The following RBIS variants were observed in gnomAD, a reference collection of about 807,000 sequenced individuals.
The protein encoded by RBIS is ribosome biogenesis factor identified in screen.
Under a neutral mutation model 9.8 loss-of-function variants are expected in RBIS, and 9 were observed. The observed-to-expected ratio is 0.92, with a 90% confidence interval of 0.56 to 1.61. The LOEUF is 1.61. Ranked by LOEUF, RBIS falls within the 40% of genes most tolerant of loss-of-function variation. The pLI, the probability that RBIS is intolerant of heterozygous loss-of-function variation, is 0.00. For missense variants in RBIS, 103 were observed against 116.0 expected (o/e 0.89, Z 0.51); for synonymous variants, 35 against 37.9 (o/e 0.92, Z 0.28).
In RBIS at chr8:85,215,023, A is replaced by C; in HGVS notation, c.129T>G (p.Asn43Lys). ...TATTTACTCTGTTAACTTTTTCCTC[A>C]TTCATAATGTTTATCTTTTAAAAAG... ...TTNLKKINIM[N>K]EEKVNRVNKA... The change falls in exon 3 of 4, where the codon AAT becomes AAG. Residue 43 changes from asparagine to lysine, a missense_variant. Transcript: ENST00000619594. The C allele has an allele frequency of 7.1e-7, 1 of 1,413,380 alleles. No individual in the cohort carries two copies. The highest frequency in any genetic ancestry group is 9.8e-7 in the Non-Finnish European group (1 of 1,019,852). 87.6% of individuals were successfully genotyped at this position (1,413,380 alleles called of 1,614,324 possible).
chr8:85,214,667 C>G (rs1197496213), intron 3 of RBIS, 36 bp from the exon 4 acceptor site: 1 of 1,261,046 alleles, frequency 7.9e-7, no homozygotes, highest in Non-Finnish European at 1.2e-6. Context: ...AAAACACAGA[C>G]AACAATAGCA....
chr8:85,217,623 G>C (rs1228810741), intron 1 of RBIS, 121 bp from the exon 2 acceptor site: 6 of 661,486 alleles, frequency 9.1e-6, no homozygotes, highest in African/African-American at 1.8e-5. Context: ...TATTTTTAAA[G>C]TTGGTGCATA....
In RBIS at chr8:85,215,245, C is replaced by T; in HGVS notation, c.115-208G>A. 3 of 306,838 alleles carry T rather than the reference C, an allele frequency of 9.8e-6. No homozygotes were observed. The South Asian group carries it at 1.8e-4, about 19-fold the overall frequency. 19.0% of individuals were successfully genotyped at this position (306,838 alleles called of 1,614,324 possible). On this transcript the variant is annotated intron_variant, in intron 2 of 3. Transcript: ENST00000619594. ...ATGGGATTTATGTGGCTATGCCTCA[C>T]ACTTATGGTTCAGAAGGCTAAAATA...
intron 3 of RBIS, 142 bp from the exon 4 acceptor site, chr8:85,214,773 C>A: frequency 1.3e-6 from 1 of 741,488 alleles, no homozygotes; most frequent in South Asian, 1.6e-5. Context: ...GTTTTAGAGT[C>A]TGAATATGCT....
Position 85,218,032 on chromosome 8 carries a change from G to A in RBIS, c.-3-530C>T, listed in dbSNP as rs74529924. On this transcript the variant is annotated intron_variant, in intron 1 of 3. Coordinates refer to ENST00000619594, the MANE Select transcript of RBIS (RefSeq NM_001099673.3). ...ACTTCCATATTACCTCTATGTGAAC[G>A]GCCCTTGCCTTGAAGTGTTGGATAC... is the stretch of plus-strand genomic sequence containing the variant. 1.8e-3 allele frequency among the ~76,000 whole-genome samples: 267 copies of A among 152,182 alleles called. 2 individuals are homozygous for A. Among genetic ancestry groups the A allele is most frequent in the Non-Finnish European group, 3.3e-3 (227 of 68,030 alleles).
chr8:85,217,550 T>TA, intron 1 of RBIS, 48 bp from the exon 2 acceptor site: 5 of 1,198,750 alleles, frequency 4.2e-6, no homozygotes, highest in Non-Finnish European at 4.9e-6. Flanking sequence ...TTATGAACCG[T>TA]AAGTCAATTT....
Position 85,217,406 on chromosome 8 carries a change from C to G in RBIS, c.94G>C (p.Val32Leu). 1 of 1,603,950 alleles carries G rather than the reference C, an allele frequency of 6.2e-7. No homozygotes were observed. ...CTCACCTTCTTAAGATTAGTGGTAA[C>G]TGGTTTTGCTTTGTTTTTAGCCTTA... ...NFKAKNKAKP[V>L]TTNLKKINIM... The change falls in exon 2 of 4, where the codon GTT (valine) becomes CTT (leucine). Residue 32 changes from valine to leucine, a missense_variant. Physicochemically the swap from Val to Leu is conservative, Grantham distance 32. Coordinates refer to ENST00000619594, the MANE Select transcript of RBIS (RefSeq NM_001099673.3).
At chr8:85,217,547 C>T (rs1309606994) in intron 1 of RBIS, 45 bp from the exon 2 acceptor site, 1 of 1,220,448 alleles carries the variant, frequency 8.2e-7, no homozygotes. Flanking sequence ...CATTTATGAA[C>T]CGTAAGTCAA....
In RBIS at chr8:85,214,979, T is replaced by C; in HGVS notation, c.173A>G (p.Gln58Arg). ...TTTTGCGAAATGTGCAAGTTCCTTTTGTACATTTACAAAAGCTTTATTTAC... is the reference window on the plus strand; with the variant it reads ...TTTTGCGAAATGTGCAAGTTCCTTTCGTACATTTACAAAAGCTTTATTTAC... ...NRVNKAFVNV[Q>R]KELAHFAKSI... Residue 58 changes from glutamine (Q) to arginine (R), a missense_variant, in exon 3 of 4, where the codon CAA (glutamine) becomes CGA (arginine). Physicochemically the swap from Gln to Arg is conservative, Grantham distance 43. Coordinates refer to ENST00000619594, the MANE Select transcript of RBIS (RefSeq NM_001099673.3). 1.3e-6 allele frequency: 2 copies of C among 1,592,328 alleles called. No homozygotes were observed. Among genetic ancestry groups the C allele is most frequent in the Non-Finnish European group, 1.7e-6 (2 of 1,166,458 alleles).
intron 1 of RBIS, among the ~76,000 whole-genome samples, chr8:85,219,670 G>A (rs762590759): frequency 2.0e-5 from 3 of 152,138 alleles, no homozygotes; most frequent in Admixed American, 6.5e-5. Flanking sequence ...AGGAGGCGGA[G>A]GTTGCAGTGA....
chr8:85,214,979 T>G lies in RBIS; in HGVS notation c.173A>C (p.Gln58Pro). Residue 58 changes from glutamine to proline, a missense_variant, in exon 3 of 4, where the codon CAA (glutamine) becomes CCA (proline). Coordinates refer to ENST00000619594, the MANE Select transcript of RBIS (RefSeq NM_001099673.3). ...NRVNKAFVNV[Q>P]KELAHFAKSI... ...TTTTGCGAAATGTGCAAGTTCCTTT[T>G]GTACATTTACAAAAGCTTTATTTAC... 6.3e-7 allele frequency: 1 copy of G among 1,592,328 alleles called. No individual in the cohort carries two copies. Among genetic ancestry groups the G allele is most frequent in the Non-Finnish European group, 8.6e-7 (1 of 1,166,458 alleles).
In RBIS at chr8:85,218,274, AAG is replaced by A. The variant is rs1813225596; in HGVS notation, c.-3-774_-3-773del. 2.6e-5 allele frequency among the ~76,000 whole-genome samples: 4 copies of A among 152,270 alleles called. No homozygotes were observed. The South Asian group carries it at 8.3e-4, about 32-fold the overall frequency. On this transcript the variant is annotated intron_variant, in intron 1 of 3. Coordinates refer to ENST00000619594, the MANE Select transcript of RBIS (RefSeq NM_001099673.3). ...AAGAAGTACTATTATCCCCATTTTA[AAG>A]ATTAAAATTAAAAAACTGACGCAAA...
At chr8:85,218,090 C>G (rs1424330516) in intron 1 of RBIS, among the ~76,000 whole-genome samples, 1 of 152,114 alleles carries the variant, frequency 6.6e-6, no homozygotes, top group Non-Finnish European at 1.5e-5. Context: ...ATGCATTAAG[C>G]CAGTAAATTC....
Position 85,214,182 on chromosome 8 carries a change from A to G in RBIS, c.*378T>C, listed in dbSNP as rs781228912. 3.7e-6 allele frequency: 2 copies of G among 536,294 alleles called. No homozygotes were observed. Among genetic ancestry groups the G allele is most frequent in the Non-Finnish European group, 7.1e-6 (2 of 280,420 alleles). The allele number at this position is 536,294 out of a possible 1,614,324, so 33.2% of individuals were successfully genotyped here. A position where few individuals can be genotyped will look rare whatever the true frequency, so the allele number is the denominator to read the frequency against. ...AAGGAGGAAAGTTAAAGGACACTACAGGTCATCAAAAACAAGTTGGCCAAG... is the reference window on the plus strand; with the variant it reads ...AAGGAGGAAAGTTAAAGGACACTACGGGTCATCAAAAACAAGTTGGCCAAG... On this transcript the variant is annotated 3_prime_UTR_variant, in exon 4 of 4. Coordinates refer to ENST00000619594, the MANE Select transcript of RBIS (RefSeq NM_001099673.3).
At position 85,214,635 on chromosome 8, in the gene RBIS, A is replaced by C. The variant is rs766474573; in HGVS notation, c.232-4T>G. ...TTTCATGACGCTGCTGAGGAATCTG[A>C]AAGGAGAAAGTATTATATTTAAAAA... On this transcript the variant is annotated splice_polypyrimidine_tract_variant and splice_region_variant and intron_variant, in intron 3 of 3. Transcript: ENST00000619594. 1 of 1,514,708 alleles carries C rather than the reference A, an allele frequency of 6.6e-7. No homozygotes were observed. Among genetic ancestry groups the C allele is most frequent in the Non-Finnish European group, 9.2e-7 (1 of 1,090,382 alleles). The allele number at this position is 1,514,708 out of a possible 1,614,324, so 93.8% of individuals were successfully genotyped here.
At chr8:85,215,919 T>C (rs1310618870) in intron 2 of RBIS, 1 of 152,180 alleles carries the variant, frequency 6.6e-6, no homozygotes, top group Non-Finnish European at 1.5e-5. Flanking sequence ...GACTCAACTC[T>C]CAACCTGTGG....
At chr8:85,216,645 T>G (rs1410421927) in intron 2 of RBIS, among the ~76,000 whole-genome samples, 1 of 152,182 alleles carries the variant, frequency 6.6e-6, no homozygotes, top group African/African-American at 2.4e-5. Context: ...ATATAAACTG[T>G]CATCCCCAAA....
chr8:85,217,303 A>C (rs775537963), intron 2 of RBIS, 83 bp downstream of exon 2: 1 of 827,478 alleles, frequency 1.2e-6, no homozygotes, highest in South Asian at 1.4e-5. Context: ...CTTTTTAAAA[A>C]GTAATAGTAT....
At chr8:85,215,066 A>G in intron 2 of RBIS, 29 bp from the exon 3 acceptor site, 3 of 895,190 alleles carry the variant, frequency 3.4e-6, no homozygotes, top group Non-Finnish European at 5.3e-6. Flanking sequence ...GCATTAATCT[A>G]TGATCTCATA....
Sources: gnomAD v4.1 joint callset for allele counts (sites outside exome capture counted in the v4.1 genomes callset) on GRCh38, gnomAD v4.1.1 for gene constraint, MANE v1.5 for transcripts, NCBI Gene and HGNC (gene_info 2026-07-23, HGNC 2026-07-21) for gene names.